COL24A1: variants seen among roughly 807,000 people sequenced by gnomAD.
The protein encoded by COL24A1 is collagen alpha-1(XXIV) chain.
Under a neutral mutation model 253.9 loss-of-function variants are expected in COL24A1, and 224 were observed. That is an observed-to-expected ratio of 0.88 (90% CI 0.79 to 0.99). The LOEUF (loss-of-function observed/expected upper bound fraction) is 0.99, where lower values mean the gene tolerates loss of function less well. COL24A1 is among the 50% of genes least tolerant of loss of function. COL24A1 has a pLI of 0.00. For synonymous variants in COL24A1, 685 were observed against 673.7 expected (o/e 1.02, Z -0.26); for missense variants, 2,131 against 2,068.5 (o/e 1.03, Z -0.59).
chr1:86,024,001 C>T (rs1402706589), intron 14 of COL24A1, among the ~76,000 whole-genome samples: 3 of 151,974 alleles, frequency 2.0e-5, no homozygotes, highest in African/African-American at 7.2e-5. Flanking sequence ...AAGAATGTTA[C>T]CTCTTGTAGT....
intron 14 of COL24A1, among the ~76,000 whole-genome samples, 167 bp from the exon 15 acceptor site, chr1:86,023,174 C>T (rs186830999): frequency 1.1e-3 from 163 of 152,272 alleles, no homozygotes; most frequent in Middle Eastern, 3.4e-3. Context: ...ATAAATCATA[C>T]CAATATTTCA....
chr1:86,030,565 C>T (rs1698476485), intron 14 of COL24A1: 1 of 152,168 alleles, frequency 6.6e-6, no homozygotes, highest in South Asian at 2.1e-4. Flanking sequence ...TATCTTTGGT[C>T]ATCAAAGGCC....
At chr1:85,771,178 G>A (rs566559815) in intron 53 of COL24A1, among the ~76,000 whole-genome samples, 1 of 152,002 alleles carries the variant, frequency 6.6e-6, no homozygotes, top group East Asian at 1.9e-4. Flanking sequence ...AGGTATATTC[G>A]TGCCATGGTG....
intron 47 of COL24A1, among the ~76,000 whole-genome samples, chr1:85,809,785 TA>T (rs1672343246): frequency 6.8e-6 from 1 of 147,298 alleles, no homozygotes; most frequent in Admixed American, 6.8e-5. Flanking sequence ...ATATAGTATA[TA>T]ATATTATATA....
intron 47 of COL24A1, among the ~76,000 whole-genome samples, chr1:85,792,663 A>T (rs745984305): frequency 6.6e-6 from 1 of 151,988 alleles, no homozygotes; most frequent in African/African-American, 2.4e-5. Context: ...AGCCATGATC[A>T]TGCCACTGCA....
intron 59 of COL24A1, among the ~76,000 whole-genome samples, chr1:85,732,958 G>A (rs1226968072): frequency 6.6e-6 from 1 of 152,142 alleles, no homozygotes; most frequent in African/African-American, 2.4e-5. Context: ...TAGAAAAGCA[G>A]GCTGGGGTCT....
chr1:85,840,005 T>C (rs1272129203), intron 42 of COL24A1, among the ~76,000 whole-genome samples: 2 of 152,174 alleles, frequency 1.3e-5, no homozygotes, highest in Non-Finnish European at 2.9e-5. Context: ...TGACAAATTT[T>C]AATTTACTCT....
rs186075660 is a variant in COL24A1, at chr1:86,103,972, T to C, written c.1599+8595A>G. 2.3e-3 allele frequency among the ~76,000 whole-genome samples: 350 copies of C among 152,324 alleles called. 1 individual carries two copies. The highest frequency in any genetic ancestry group is 8.1e-3 in the African/African-American group (338 of 41,568). ...AGTTCTCATGGATGATATCCTGAAA[T>C]ATGTTTTTCAAGTTGTTTCCATTCT... is the stretch of plus-strand genomic sequence containing the variant. On this transcript the variant is annotated intron_variant, in intron 5 of 59. Coordinates refer to ENST00000370571, the MANE Select transcript of COL24A1 (RefSeq NM_152890.7).
intron 24 of COL24A1, among the ~76,000 whole-genome samples, chr1:85,914,393 T>G (rs971354511): frequency 3.4e-5 from 5 of 147,398 alleles, no homozygotes; most frequent in African/African-American, 7.5e-5. Flanking sequence ...TTTCTTTTCT[T>G]TTTTTTTTTT....
At chr1:85,910,059 C>G in intron 25 of COL24A1, 56 bp from the exon 26 acceptor site, 3 of 1,377,432 alleles carry the variant, frequency 2.2e-6, no homozygotes, top group Non-Finnish European at 3.1e-6. Flanking sequence ...TTAGTCATGA[C>G]TGAGCTAAGC....
intron 24 of COL24A1, among the ~76,000 whole-genome samples, chr1:85,946,664 T>C (rs1013176955): frequency 6.6e-6 from 1 of 152,228 alleles, no homozygotes; most frequent in Non-Finnish European, 1.5e-5. Context: ...AAAAGGCATT[T>C]ACCCTAAGTG....
chr1:85,894,967 G>C (rs1274605050), intron 31 of COL24A1, among the ~76,000 whole-genome samples: 2 of 151,976 alleles, frequency 1.3e-5, no homozygotes, highest in African/African-American at 4.8e-5. Context: ...TCTGTCTCCC[G>C]AGCTGCAATC....
At chr1:86,026,110 T>C (rs1445743928) in intron 14 of COL24A1, among the ~76,000 whole-genome samples, 1 of 152,222 alleles carries the variant, frequency 6.6e-6, no homozygotes, top group African/African-American at 2.4e-5. Flanking sequence ...TAGCAGTTAG[T>C]TCAGCTATTT....
intron 20 of COL24A1, among the ~76,000 whole-genome samples, chr1:85,979,677 T>C (rs1693047824): frequency 7.1e-6 from 1 of 140,876 alleles, no homozygotes; most frequent in Non-Finnish European, 1.5e-5. Context: ...AACAGAAAGA[T>C]AGAAATGATC....
intron 1 of COL24A1, among the ~76,000 whole-genome samples, chr1:86,147,178 A>G (rs1325366850): frequency 6.6e-6 from 1 of 152,158 alleles, no homozygotes; most frequent in Non-Finnish European, 1.5e-5. Context: ...TAATTGGTAC[A>G]TTTTCTATTT....
intron 55 of COL24A1, among the ~76,000 whole-genome samples, chr1:85,756,602 G>A (rs1410558251): frequency 6.6e-6 from 1 of 152,200 alleles, no homozygotes; most frequent in Non-Finnish European, 1.5e-5. Context: ...CTGGAATCTT[G>A]TGCACTGCTG....
Position 85,829,885 on chromosome 1 carries a change from G to A in COL24A1, c.3682-6147C>T, listed in dbSNP as rs905031735. On this transcript the variant is annotated intron_variant, in intron 43 of 59. Coordinates refer to ENST00000370571, the MANE Select transcript of COL24A1 (RefSeq NM_152890.7). ...TGGTTTGAATTTCCTCCCATAGCTC[G>A]GAGTAATTTGATCGTCTGAAGCCTT... 1.1e-4 allele frequency among the ~76,000 whole-genome samples: 17 copies of A among 152,092 alleles called. No individual in the cohort carries two copies. In the South Asian group the frequency reaches 1.5e-3, roughly 13 times the overall value.
chr1:86,055,732 AAAGT>A (rs1409306280), intron 10 of COL24A1, among the ~76,000 whole-genome samples: 1 of 152,202 alleles, frequency 6.6e-6, no homozygotes, highest in Non-Finnish European at 1.5e-5. Flanking sequence ...AACTACCTGA[AAAGT>A]AAGTTTCATC....
At chr1:85,943,198 C>G (rs1688919969) in intron 24 of COL24A1, among the ~76,000 whole-genome samples, 1 of 152,178 alleles carries the variant, frequency 6.6e-6, no homozygotes, top group Non-Finnish European at 1.5e-5. Flanking sequence ...ACACCAGTAC[C>G]CGCTATGTCC....
Sources: gnomAD v4.1 joint callset for allele counts (sites outside exome capture counted in the v4.1 genomes callset) on GRCh38, gnomAD v4.1.1 for gene constraint, MANE v1.5 for transcripts, NCBI Gene and HGNC (gene_info 2026-07-23, HGNC 2026-07-21) for gene names.